CAST: variants seen among roughly 807,000 people sequenced by gnomAD.
CAST encodes the protein MIR583 host.
Under a neutral mutation model 119.6 loss-of-function variants are expected in CAST, and 76 were observed. The ratio of observed to expected loss-of-function variants is 0.64; its 90% CI spans 0.53 to 0.77. The LOEUF is 0.77. CAST is among the 30% of genes least tolerant of loss of function. CAST has a pLI of 0.00. For missense variants in CAST, 953 were observed against 946.5 expected (o/e 1.01, Z -0.09); for synonymous variants, 319 against 331.6 (o/e 0.96, Z 0.41).
At chr5:96,517,488 C>A in the CAST span, among the ~76,000 whole-genome samples, 148,677 of 152,340 alleles carry the variant, frequency 0.98, 72,670 homozygotes, top group East Asian at 1. Context: ...ATAGAGACTT[C>A]CATAAACACT....
At chr5:96,415,889 A>G in the CAST span, 4 of 669,808 alleles carry the variant, frequency 6.0e-6, no homozygotes, top group Admixed American at 8.8e-5. Context: ...CTGGCAAATC[A>G]TATTCAAGTC....
At chr5:96,606,559 T>A (rs1268431249) in intron 1 of CAST, among the ~76,000 whole-genome samples, 1 of 152,226 alleles carries the variant, frequency 6.6e-6, no homozygotes, top group African/African-American at 2.4e-5. Flanking sequence ...AACTTAGGCC[T>A]GCTTCAGCCT....
intron 1 of CAST, among the ~76,000 whole-genome samples, chr5:96,556,602 G>T: frequency 6.6e-6 from 1 of 152,182 alleles, no homozygotes; most frequent in East Asian, 1.9e-4. Context: ...TGGAAGAAAG[G>T]GTATCAGTGA....
At chr5:96,663,014 G>A (rs932104174) in intron 1 of CAST, 2 of 683,630 alleles carry the variant, frequency 2.9e-6, no homozygotes, top group Non-Finnish European at 5.3e-6. Context: ...GCCTTGGGAT[G>A]TGCGGAGCTC....
chr5:96,095,965 A>C, the CAST span, among the ~76,000 whole-genome samples: 2 of 152,312 alleles, frequency 1.3e-5, no homozygotes, highest in African/African-American at 4.8e-5. Context: ...TGTTTTGGCC[A>C]AAATATAGCC....
the CAST span, among the ~76,000 whole-genome samples, chr5:96,400,388 A>G: frequency 6.6e-6 from 1 of 152,234 alleles, no homozygotes; most frequent in South Asian, 2.1e-4. Context: ...TCCCTGTAAC[A>G]TATAAGTTAT....
chr5:96,071,253 C>G, the CAST span, among the ~76,000 whole-genome samples: 1 of 152,076 alleles, frequency 6.6e-6, no homozygotes, highest in African/African-American at 2.4e-5. Flanking sequence ...CAACCCTTCC[C>G]CAAACCAGCA....
the CAST span, among the ~76,000 whole-genome samples, chr5:96,282,177 G>T: frequency 6.6e-6 from 1 of 151,812 alleles, no homozygotes; most frequent in Non-Finnish European, 1.5e-5. Context: ...TTGGCGGGGT[G>T]GGGGTGGGGT....
At chr5:96,413,800 CAAA>C in the CAST span, among the ~76,000 whole-genome samples, 35,210 of 105,710 alleles carry the variant, frequency 0.33, 5,892 homozygotes, top group Admixed American at 0.45. Context: ...GACTCTGTCT[CAAA>C]AAAAAAAAAA....
At chr5:96,640,690 A>C (rs1173613555) in intron 1 of CAST, among the ~76,000 whole-genome samples, 2 of 152,164 alleles carry the variant, frequency 1.3e-5, no homozygotes, top group Non-Finnish European at 2.9e-5. Context: ...GGAGTTATGG[A>C]GATGGAATGC....
At chr5:96,240,196 C>T in the CAST span, among the ~76,000 whole-genome samples, 1,458 of 152,202 alleles carry the variant, frequency 9.6e-3, 29 homozygotes, top group African/African-American at 0.034. Flanking sequence ...CAATAGATTA[C>T]CTATGCTTGA....
At chr5:96,167,824 GT>G in the CAST span, among the ~76,000 whole-genome samples, 1 of 152,226 alleles carries the variant, frequency 6.6e-6, no homozygotes, top group Non-Finnish European at 1.5e-5. Flanking sequence ...CTCGAGGCAT[GT>G]GAGTAAAGTC....
chr5:96,512,699 G>T, the CAST span, among the ~76,000 whole-genome samples: 1 of 152,110 alleles, frequency 6.6e-6, no homozygotes, highest in African/African-American at 2.4e-5. Flanking sequence ...CACAAAATGT[G>T]ACTATCAAGA....
the CAST span, among the ~76,000 whole-genome samples, chr5:96,282,175 G>T: frequency 6.6e-6 from 1 of 151,778 alleles, no homozygotes; most frequent in South Asian, 2.1e-4. Flanking sequence ...TGTTGGCGGG[G>T]TGGGGGTGGG....
the CAST span, among the ~76,000 whole-genome samples, chr5:96,227,804 G>T: frequency 1.3e-5 from 2 of 151,896 alleles, no homozygotes; most frequent in Non-Finnish European, 2.9e-5. Flanking sequence ...CTTTTCCCTC[G>T]TGTGTCTTCC....
At chr5:96,174,037 C>T in the CAST span, among the ~76,000 whole-genome samples, 5 of 152,114 alleles carry the variant, frequency 3.3e-5, no homozygotes, top group South Asian at 2.1e-4. Flanking sequence ...CCACCGCGCC[C>T]GGCCTGAACT....
intron 1 of CAST, among the ~76,000 whole-genome samples, chr5:96,596,075 CT>C (rs1425540484): frequency 2.6e-5 from 4 of 152,168 alleles, no homozygotes; most frequent in African/African-American, 9.7e-5. Flanking sequence ...TGAATCATGC[CT>C]CTTCCAAAGA....
the CAST span, among the ~76,000 whole-genome samples, chr5:96,306,486 G>C: frequency 6.6e-6 from 1 of 151,898 alleles, no homozygotes; most frequent in Middle Eastern, 3.2e-3. Flanking sequence ...CTTGTCTTCT[G>C]TTTGCTTTTG....
At chr5:96,082,058 C>A in the CAST span, among the ~76,000 whole-genome samples, 3 of 152,078 alleles carry the variant, frequency 2.0e-5, no homozygotes, top group African/African-American at 7.2e-5. Flanking sequence ...GAACTACAGG[C>A]GCACGCTACC....
Sources: allele counts gnomAD v4.1 joint callset (sites outside exome capture counted in the v4.1 genomes callset), GRCh38; gene constraint gnomAD v4.1.1; transcripts MANE v1.5; gene names NCBI Gene and HGNC (gene_info 2026-07-23, HGNC 2026-07-21).